ERG: variants seen among roughly 807,000 people sequenced by gnomAD.
The protein encoded by ERG is ETS transcription factor ERG.
In ERG, 9 loss-of-function variants were observed where a neutral mutation model predicts 55.3. The observed-to-expected ratio is 0.16, with a 90% CI of 0.10 to 0.28. The LOEUF (loss-of-function observed/expected upper bound fraction) is 0.28. Ranked by LOEUF, ERG falls within the 10% of genes least tolerant of loss-of-function variation. The pLI is 1.00. For synonymous variants in ERG, 223 were observed against 237.3 expected, an observed-to-expected ratio of 0.94 and a Z score of 0.55; for missense variants, 434 against 631.6, an observed-to-expected ratio of 0.69 and a Z score of 3.35.
At chr21:38,499,123 A>T (rs527349706), upstream of ERG, among the ~76,000 whole-genome samples, 5 of 152,328 alleles carry the variant, frequency 3.3e-5, no homozygotes, top group African/African-American at 1.2e-4. Context: ...AACACAAAAA[A>T]TAAAGAGGAA....
chr21:38,615,404 C>T (rs193059444), intron 1 of ERG, among the ~76,000 whole-genome samples: 11 of 152,076 alleles, frequency 7.2e-5, no homozygotes, highest in Admixed American at 3.3e-4. Context: ...AGTCCCATTC[C>T]CTTAGGTGAA....
intron 2 of ERG, among the ~76,000 whole-genome samples, chr21:38,433,658 G>A (rs1057160591): frequency 4.6e-5 from 7 of 152,172 alleles, no homozygotes; most frequent in African/African-American, 1.7e-4. Context: ...GCCCTTGTGA[G>A]TGTGAATGGG....
downstream of ERG, among the ~76,000 whole-genome samples, chr21:38,375,992 T>C (rs1216818981): frequency 6.6e-6 from 1 of 152,222 alleles, no homozygotes; most frequent in Non-Finnish European, 1.5e-5. Flanking sequence ...AATAATCATT[T>C]GTTTGTTTGC....
intron 1 of ERG, among the ~76,000 whole-genome samples, chr21:38,648,404 C>T (rs926509125): frequency 6.6e-6 from 1 of 152,162 alleles, no homozygotes; most frequent in Non-Finnish European, 1.5e-5. Flanking sequence ...ACAGAGCTTA[C>T]GTATGCCAGC....
At chr21:38,542,435 C>T (rs2059759886) in intron 2 of ERG, among the ~76,000 whole-genome samples, 1 of 152,172 alleles carries the variant, frequency 6.6e-6, no homozygotes, top group African/African-American at 2.4e-5. Flanking sequence ...GCTACAATTT[C>T]TCCAAAGGCT....
At chr21:38,614,758 G>A (rs187062847) in intron 1 of ERG, among the ~76,000 whole-genome samples, 20 of 152,300 alleles carry the variant, frequency 1.3e-4, no homozygotes, top group African/African-American at 4.6e-4. Flanking sequence ...TTATCTGATC[G>A]GTGAGTTGGG....
chr21:38,423,272 G>T, intron 3 of ERG, 138 bp downstream of exon 3: 1 of 799,646 alleles, frequency 1.3e-6, no homozygotes, highest in Non-Finnish European at 1.9e-6. Flanking sequence ...ACCTCTGCCA[G>T]CTCCCATTTA....
At chr21:38,591,656 C>T (rs1264252712) in intron 1 of ERG, among the ~76,000 whole-genome samples, 1 of 152,204 alleles carries the variant, frequency 6.6e-6, no homozygotes, top group Non-Finnish European at 1.5e-5. Flanking sequence ...TGCACCACTG[C>T]ACTCCAGCCT....
At chr21:38,419,245 A>T (rs1288620717) in intron 3 of ERG, among the ~76,000 whole-genome samples, 3 of 152,244 alleles carry the variant, frequency 2.0e-5, no homozygotes, top group Non-Finnish European at 4.4e-5. Flanking sequence ...CCAGAACAAC[A>T]GGCACAAACC....
At chr21:38,656,022 G>A (rs116324019) in intron 1 of ERG, among the ~76,000 whole-genome samples, 2,028 of 152,042 alleles carry the variant, frequency 0.013, 46 homozygotes, top group African/African-American at 0.047. Flanking sequence ...TCTTCACCGC[G>A]CCCCCCGCCA....
chr21:38,378,203 T>A (rs1263795778), downstream of ERG, among the ~76,000 whole-genome samples: 1 of 152,188 alleles, frequency 6.6e-6, no homozygotes, highest in African/African-American at 2.4e-5. Context: ...ACCCCTGACT[T>A]TCTATGTATG....
intron 1 of ERG, among the ~76,000 whole-genome samples, chr21:38,487,118 CTCTT>C (rs1235103935): frequency 8.9e-6 from 1 of 112,748 alleles, no homozygotes; most frequent in Non-Finnish European, 1.8e-5. Flanking sequence ...GCCCTCACTC[CTCTT>C]TTTTTTTTTT....
At chr21:38,474,545 T>C (rs1449722349) in intron 1 of ERG, among the ~76,000 whole-genome samples, 2 of 152,154 alleles carry the variant, frequency 1.3e-5, no homozygotes, top group Non-Finnish European at 2.9e-5. Context: ...CTCAACTCTT[T>C]GCCCTAAAAA....
intron 5 of ERG, among the ~76,000 whole-genome samples, 188 bp downstream of exon 5, chr21:38,402,369 G>A (rs753330635): frequency 1.3e-5 from 2 of 152,072 alleles, no homozygotes; most frequent in African/African-American, 2.4e-5. Flanking sequence ...CTTGGGAAGC[G>A]CTCAGAAAAC....
At chr21:38,567,393 T>C (rs1339537507) in intron 2 of ERG, among the ~76,000 whole-genome samples, 1 of 152,220 alleles carries the variant, frequency 6.6e-6, no homozygotes, top group Non-Finnish European at 1.5e-5. Context: ...GTAGAAATTT[T>C]AATTGTGCCA....
At chr21:38,423,154 T>A (rs1989626243) in intron 3 of ERG, among the ~76,000 whole-genome samples, 1 of 151,690 alleles carries the variant, frequency 6.6e-6, no homozygotes, top group Non-Finnish European at 1.5e-5. Flanking sequence ...AATAAAGAGC[T>A]GGGGCTACAT....
At chr21:38,484,256 C>T (rs953107940) in intron 1 of ERG, among the ~76,000 whole-genome samples, 15 of 152,138 alleles carry the variant, frequency 9.9e-5, no homozygotes, top group African/African-American at 2.2e-4. Context: ...TGAGCCACCG[C>T]GCCCGGTCGG....
At chr21:38,501,549 C>T (rs2059421123), upstream of ERG, among the ~76,000 whole-genome samples, 1 of 152,096 alleles carries the variant, frequency 6.6e-6, no homozygotes, top group Non-Finnish European at 1.5e-5. Context: ...CTGCCTTTCC[C>T]ACCTGATACC....
chr21:38,603,686 C>T (rs1220426917), intron 1 of ERG, among the ~76,000 whole-genome samples: 1 of 151,996 alleles, frequency 6.6e-6, no homozygotes, highest in Admixed American at 6.6e-5. Flanking sequence ...GGCAGGGAAT[C>T]CCCAACTTTG....
Sources: allele counts gnomAD v4.1 joint callset (sites outside exome capture counted in the v4.1 genomes callset), GRCh38; gene constraint gnomAD v4.1.1; transcripts MANE v1.5; gene names NCBI Gene and HGNC (gene_info 2026-07-23, HGNC 2026-07-21).